The following CUX1 variants were observed in gnomAD, a reference collection of about 807,000 sequenced individuals.
CUX1 encodes the protein cut like homeobox 1.
CUX1 carries 31 observed loss-of-function variants against 158.8 expected under a neutral mutation model. The ratio of observed to expected loss-of-function variants is 0.20; its 90% CI spans 0.15 to 0.26. The LOEUF (loss-of-function observed/expected upper bound fraction) is 0.26, where lower values mean the gene tolerates loss of function less well. Among genes scored for constraint, CUX1 ranks in the 10% least tolerant of loss-of-function variants. The probability of loss-of-function intolerance (pLI) is 1.00; values close to 1 mark genes in which losing one functional copy is unlikely to be tolerated. For synonymous variants in CUX1, 879 were observed against 862.1 expected (o/e 1.02, Z -0.34); for missense variants, 1,589 against 2,014.6 (o/e 0.79, Z 4.04).
intron 2 of CUX1, among the ~76,000 whole-genome samples, chr7:101,939,422 C>T (rs140731637): frequency 8.5e-5 from 13 of 152,194 alleles, no homozygotes; most frequent in African/African-American, 3.1e-4. Context: ...GTCCAACATC[C>T]AGTCCCCTGG....
chr7:102,034,896 C>T lies in CUX1; in HGVS notation c.189+6751C>T, dbSNP rs141396374. On this transcript the variant is annotated intron_variant, in intron 3 of 23. Coordinates refer to ENST00000292535, the MANE Select transcript of CUX1 (RefSeq NM_181552.4). ...TTACAGTGAGCCGAGATCGCGCCAC[C>T]GCACTCTAGCCTGGGCAACAGATCA... is the stretch of plus-strand genomic sequence containing the variant. 7.5e-3 allele frequency among the ~76,000 whole-genome samples: 1,133 copies of T among 151,822 alleles called. 4 individuals carry two copies. The highest frequency in any genetic ancestry group is 0.013 in the African/African-American group (521 of 41,410).
At chr7:102,152,167 C>A (rs1043094577) in intron 8 of CUX1, among the ~76,000 whole-genome samples, 1 of 152,078 alleles carries the variant, frequency 6.6e-6, no homozygotes, top group African/African-American at 2.4e-5. Flanking sequence ...CATTGTAAGA[C>A]CCCTGTCTCT....
intron 6 of CUX1, among the ~76,000 whole-genome samples, chr7:102,105,301 C>T (rs1457841089): frequency 1.3e-5 from 2 of 151,998 alleles, no homozygotes; most frequent in Non-Finnish European, 2.9e-5. Flanking sequence ...CATTACCTCA[C>T]ATATCAGGGA....
intron 17 of CUX1, chr7:102,275,417 C>A: frequency 7.4e-7 from 1 of 1,359,856 alleles, no homozygotes; most frequent in Non-Finnish European, 1.0e-6. Context: ...AGTTGGGGAA[C>A]ACACAGGCTT....
In CUX1 at chr7:102,245,894, C is replaced by T. The variant is rs573327714; in HGVS notation, c.3888-2518C>T. On this transcript the variant is annotated intron_variant, in intron 23 of 23. Coordinates refer to ENST00000292535, the MANE Select transcript of CUX1 (RefSeq NM_181552.4). ...GGCTGAGGCAGGAGAATCATTTGAA[C>T]CCAAGAGGCAGAGGTTGCAGTGAGC... Among the ~76,000 whole-genome samples the T allele has an allele frequency of 2.6e-5, 4 of 151,974 alleles. No individual in the cohort carries two copies. The East Asian group carries it at 7.7e-4, about 29-fold the overall frequency.
intron 2 of CUX1, among the ~76,000 whole-genome samples, chr7:101,982,264 C>A (rs191160766): frequency 6.6e-6 from 1 of 152,320 alleles, no homozygotes; most frequent in East Asian, 1.9e-4. Context: ...GTGTGCCCTG[C>A]TGCCTCGTTT....
In CUX1 at chr7:102,255,161, A is replaced by G. The variant is rs1326702538; in HGVS notation, c.*6119A>G. 29 of 985,270 alleles carry G rather than the reference A, an allele frequency of 2.9e-5. No homozygotes were observed. Among genetic ancestry groups the G allele is most frequent in the Non-Finnish European group, 3.5e-5 (29 of 829,940 alleles). 61.0% of individuals were successfully genotyped at this position (985,270 alleles called of 1,614,324 possible). A position where few individuals can be genotyped will look rare whatever the true frequency, so the allele number is the denominator to read the frequency against. ...GGTCAGGGGAATAGAAGGAAATGCA[A>G]TTTCCGCCTGTCTGCCCGACTTCCA... On this transcript the variant is annotated 3_prime_UTR_variant, in exon 24 of 24. Transcript: ENST00000292535.
At chr7:102,215,659 A>G (rs536096081) in intron 20 of CUX1, among the ~76,000 whole-genome samples, 301 of 152,366 alleles carry the variant, frequency 2.0e-3, no homozygotes, top group Non-Finnish European at 3.9e-3. Context: ...TTCTAATACC[A>G]TCGTGGAAGA....
intron 1 of CUX1, among the ~76,000 whole-genome samples, chr7:101,823,362 A>G (rs1261174491): frequency 1.3e-5 from 2 of 152,232 alleles, no homozygotes; most frequent in Non-Finnish European, 2.9e-5. Context: ...GGAGTTTCCT[A>G]GTAAGTGAAA....
At chr7:101,843,628 A>G (rs750102791) in intron 1 of CUX1, among the ~76,000 whole-genome samples, 3 of 151,782 alleles carry the variant, frequency 2.0e-5, no homozygotes, top group Non-Finnish European at 4.4e-5. Flanking sequence ...ACTTGTTTCA[A>G]CTGCCTGGAG....
At position 102,193,964 on chromosome 7, in the gene CUX1, C is replaced by T. The variant is rs1227581432; in HGVS notation, c.1125+74C>T. 1.7e-5 allele frequency: 24 copies of T among 1,412,616 alleles called. No homozygotes were observed. In the Admixed American group the frequency reaches 3.8e-4, roughly 22 times the overall value. The allele number at this position is 1,412,616 out of a possible 1,614,324, so 87.5% of individuals were successfully genotyped here. ...GTTACCACTGGTCCCTCCGGCATAT[C>T]CCATGATCCACTGTTTCTACGAGAC... On this transcript the variant is annotated intron_variant, in intron 13 of 23. Transcript: ENST00000292535.
intron 1 of CUX1, among the ~76,000 whole-genome samples, chr7:101,853,784 A>C (rs1456246563): frequency 1.3e-5 from 2 of 152,046 alleles, no homozygotes; most frequent in East Asian, 3.9e-4. Context: ...TGCAGTTGGG[A>C]ACTGTTAGTC....
chr7:102,236,370 C>T (rs1387110550), intron 22 of CUX1, among the ~76,000 whole-genome samples: 1 of 152,250 alleles, frequency 6.6e-6, no homozygotes, highest in East Asian at 1.9e-4. Flanking sequence ...TGGGCAGCCC[C>T]AGGCAGCGCT....
Position 101,984,090 on chromosome 7 carries a change from ATATATATATATAT to A in CUX1, c.142-44007_142-43995del, listed in dbSNP as rs1391137023. ...TCTGTCCCCCCCCAAAAAAAAAAAA[ATATATATATATAT>A]ATATATATATATATATATATATATA... is the stretch of plus-strand genomic sequence containing the variant. On this transcript the variant is annotated intron_variant, in intron 2 of 23. Coordinates refer to ENST00000292535, the MANE Select transcript of CUX1 (RefSeq NM_181552.4). 8.3e-4 allele frequency among the ~76,000 whole-genome samples: 29 copies of A among 34,996 alleles called. 5 individuals carry two copies. Among genetic ancestry groups the A allele is most frequent in the African/African-American group, 1.3e-3 (10 of 7,456 alleles). 23.0% of individuals were successfully genotyped at this position (34,996 alleles called of 152,430 possible).
chr7:102,055,684 A>G (rs149937832), intron 3 of CUX1, among the ~76,000 whole-genome samples: 2 of 152,320 alleles, frequency 1.3e-5, no homozygotes, highest in African/African-American at 4.8e-5. Context: ...AATTAGGCAA[A>G]TTAATAATCC....
intron 1 of CUX1, among the ~76,000 whole-genome samples, chr7:101,903,973 A>G (rs920063874): frequency 1.3e-5 from 2 of 152,072 alleles, no homozygotes; most frequent in African/African-American, 4.8e-5. Flanking sequence ...TATTTTCTGA[A>G]TAGGTAACGT....
At chr7:102,192,986 G>A (rs1289686916) in intron 12 of CUX1, among the ~76,000 whole-genome samples, 1 of 152,216 alleles carries the variant, frequency 6.6e-6, no homozygotes, top group Non-Finnish European at 1.5e-5. Context: ...GCCCTTTTCA[G>A]TGCCATTGAG....
intron 2 of CUX1, among the ~76,000 whole-genome samples, chr7:101,968,672 T>C (rs1195956018): frequency 5.9e-5 from 9 of 151,922 alleles, no homozygotes; most frequent in Non-Finnish European, 1.3e-4. Context: ...ATCCACCTAT[T>C]TTGGCCTCCC....
At chr7:102,173,474 T>C (rs969354389) in intron 10 of CUX1, among the ~76,000 whole-genome samples, 1 of 152,236 alleles carries the variant, frequency 6.6e-6, no homozygotes, top group Admixed American at 6.5e-5. Context: ...TAATTTTAAC[T>C]GAATGTCCCC....
Sources: allele counts gnomAD v4.1 joint callset (sites outside exome capture counted in the v4.1 genomes callset), GRCh38; gene constraint gnomAD v4.1.1; transcripts MANE v1.5; gene names NCBI Gene and HGNC (gene_info 2026-07-23, HGNC 2026-07-21).